HS3ST4: variants seen among roughly 807,000 people sequenced by gnomAD.
The protein encoded by HS3ST4 is heparan sulfate-glucosamine 3-sulfotransferase 4.
HS3ST4 carries 17 observed loss-of-function variants against 29.2 expected under a neutral mutation model. The observed-to-expected ratio is 0.58, with a 90% CI of 0.40 to 0.87. The LOEUF (loss-of-function observed/expected upper bound fraction) is 0.87. Ranked by LOEUF, HS3ST4 falls within the 40% of genes least tolerant of loss-of-function variation. The probability of loss-of-function intolerance (pLI) is 0.00; values close to 1 mark genes in which losing one functional copy is unlikely to be tolerated. For synonymous variants in HS3ST4, 314 were observed against 285.7 expected (o/e 1.10, Z -1.00); for missense variants, 627 against 634.5 (o/e 0.99, Z 0.13).
At chr16:26,091,891 G>T (rs1029623097) in intron 1 of HS3ST4, among the ~76,000 whole-genome samples, 5 of 152,164 alleles carry the variant, frequency 3.3e-5, no homozygotes, top group African/African-American at 1.2e-4. Flanking sequence ...CTGTACTGAG[G>T]TCTGCTATTA....
At chr16:26,024,101 G>A (rs7190540) in intron 1 of HS3ST4, among the ~76,000 whole-genome samples, 14,538 of 151,982 alleles carry the variant, frequency 0.096, 1,657 homozygotes, top group African/African-American at 0.26. Flanking sequence ...GCACATGCCT[G>A]TAATCCCAGC....
chr16:26,130,739 G>A (rs1899406531), intron 1 of HS3ST4, among the ~76,000 whole-genome samples: 1 of 152,172 alleles, frequency 6.6e-6, no homozygotes, highest in Non-Finnish European at 1.5e-5. Context: ...CCCAGCATAG[G>A]CAGAGGACAG....
intron 1 of HS3ST4, among the ~76,000 whole-genome samples, chr16:26,122,034 C>T (rs1042116001): frequency 2.6e-5 from 4 of 151,946 alleles, no homozygotes; most frequent in Admixed American, 2.6e-4. Context: ...GGAGAGTTGC[C>T]AGGATGAGGA....
At chr16:25,951,595 C>T (rs1294953261) in intron 1 of HS3ST4, among the ~76,000 whole-genome samples, 2 of 152,242 alleles carry the variant, frequency 1.3e-5, no homozygotes, top group African/African-American at 4.8e-5. Flanking sequence ...CTGTATCCCA[C>T]TTTCTACTCT....
chr16:26,052,457 G>A (rs1898359080), intron 1 of HS3ST4, among the ~76,000 whole-genome samples: 1 of 152,110 alleles, frequency 6.6e-6, no homozygotes, highest in African/African-American at 2.4e-5. Context: ...TGCAACCTCT[G>A]CCTCCTGGGT....
chr16:26,097,199 C>G (rs1898935399), intron 1 of HS3ST4, among the ~76,000 whole-genome samples: 1 of 152,112 alleles, frequency 6.6e-6, no homozygotes, highest in Admixed American at 6.5e-5. Flanking sequence ...CATCAAGCTA[C>G]CAATGACTTT....
In HS3ST4 at chr16:25,759,497, G is replaced by A. The variant is rs544524725; in HGVS notation, c.734+66346G>A. ...TCGACAGGTGCCAGGAAAGGCGAGGGCCACAGAGATAGCAGAGATTATAAT... is the reference window on the plus strand; with the variant it reads ...TCGACAGGTGCCAGGAAAGGCGAGGACCACAGAGATAGCAGAGATTATAAT... On this transcript the variant is annotated intron_variant, in intron 1 of 1. Coordinates refer to ENST00000331351, the MANE Select transcript of HS3ST4 (RefSeq NM_006040.3). Among the ~76,000 whole-genome samples, 169 of 152,348 alleles carry A rather than the reference G, an allele frequency of 1.1e-3. 1 individual carries two copies. Among genetic ancestry groups the A allele is most frequent in the Middle Eastern group, 6.8e-3 (2 of 294 alleles).
intron 1 of HS3ST4, among the ~76,000 whole-genome samples, chr16:25,710,448 C>T (rs1392848207): frequency 2.1e-5 from 1 of 48,314 alleles, no homozygotes; most frequent in Non-Finnish European, 6.4e-5. Flanking sequence ...AGGGCTTTAT[C>T]CTCCATTTTT....
chr16:25,836,220 T>A (rs1259582873), intron 1 of HS3ST4, among the ~76,000 whole-genome samples: 3 of 152,202 alleles, frequency 2.0e-5, no homozygotes, highest in Non-Finnish European at 4.4e-5. Flanking sequence ...TGCTGTGCCT[T>A]CTGTCTTCTT....
chr16:25,843,450 A>G (rs1967435857), intron 1 of HS3ST4, among the ~76,000 whole-genome samples: 1 of 152,218 alleles, frequency 6.6e-6, no homozygotes, highest in Non-Finnish European at 1.5e-5. Flanking sequence ...GAGGCTGTTC[A>G]TGACCTAGCC....
intron 1 of HS3ST4, among the ~76,000 whole-genome samples, chr16:25,830,199 T>C (rs905740591): frequency 1.3e-5 from 2 of 152,214 alleles, no homozygotes; most frequent in Admixed American, 6.5e-5. Context: ...TTTTTTATAG[T>C]GCCTGGAAGA....
At chr16:26,054,414 A>G (rs1183504933) in intron 1 of HS3ST4, among the ~76,000 whole-genome samples, 3 of 152,166 alleles carry the variant, frequency 2.0e-5, no homozygotes, top group Non-Finnish European at 4.4e-5. Flanking sequence ...TCCCCTCCCA[A>G]TTGACTCAGT....
At position 25,999,772 on chromosome 16, in the gene HS3ST4, T is replaced by A. The variant is rs1257181146; in HGVS notation, c.735-135840T>A. Among the ~76,000 whole-genome samples, 4 of 134,800 alleles carry A rather than the reference T, an allele frequency of 3.0e-5. No homozygotes were observed. In the East Asian group the frequency reaches 8.3e-4, roughly 28 times the overall value. 88.4% of individuals were successfully genotyped at this position (134,800 alleles called of 152,430 possible). A position where few individuals can be genotyped will look rare whatever the true frequency, so the allele number is the denominator to read the frequency against. On this transcript the variant is annotated intron_variant, in intron 1 of 1. Transcript: ENST00000331351. ...ATATATGTATATTTTATATATATATTTATATATATTATATATATTTTATAT... is the reference window on the plus strand; with the variant it reads ...ATATATGTATATTTTATATATATATATATATATATTATATATATTTTATAT...
At chr16:26,020,840 G>A (rs1158550535) in intron 1 of HS3ST4, among the ~76,000 whole-genome samples, 1 of 152,136 alleles carries the variant, frequency 6.6e-6, no homozygotes, top group Non-Finnish European at 1.5e-5. Flanking sequence ...CAAACTCCAG[G>A]ACCCACATTG....
chr16:25,843,180 T>A (rs1596588214), intron 1 of HS3ST4, among the ~76,000 whole-genome samples: 1 of 152,208 alleles, frequency 6.6e-6, no homozygotes, highest in South Asian at 2.1e-4. Context: ...TTCACAGTTG[T>A]GTGGGTTACT....
intron 1 of HS3ST4, among the ~76,000 whole-genome samples, chr16:25,741,724 G>A (rs1966654826): frequency 1.3e-5 from 2 of 152,068 alleles, no homozygotes; most frequent in South Asian, 2.1e-4. Flanking sequence ...GTAATAAAAA[G>A]GCATGGAGGT....
At chr16:25,949,169 T>C (rs11643971) in intron 1 of HS3ST4, among the ~76,000 whole-genome samples, 72,596 of 151,918 alleles carry the variant, frequency 0.48, 17,743 homozygotes, top group Admixed American at 0.6. Context: ...TCGTGGAGAA[T>C]GGGGTATCCA....
intron 1 of HS3ST4, among the ~76,000 whole-genome samples, chr16:26,120,008 G>T (rs778380066): frequency 8.6e-5 from 13 of 151,926 alleles, no homozygotes; most frequent in Non-Finnish European, 8.8e-5. Context: ...TTTGCACTGA[G>T]ACCTGAATAA....
intron 1 of HS3ST4, among the ~76,000 whole-genome samples, chr16:25,761,832 G>A (rs971323964): frequency 3.3e-5 from 5 of 152,142 alleles, no homozygotes; most frequent in Non-Finnish European, 2.9e-5. Flanking sequence ...CTTTCTATAT[G>A]TACTAATGTA....
Sources: allele counts gnomAD v4.1 joint callset (sites outside exome capture counted in the v4.1 genomes callset), GRCh38; gene constraint gnomAD v4.1.1; transcripts MANE v1.5; gene names NCBI Gene and HGNC (gene_info 2026-07-23, HGNC 2026-07-21).